Variants in SLIT2 observed in about 807,000 individuals in gnomAD.
SLIT2 encodes the protein slit guidance ligand 2.
SLIT2 carries 41 observed loss-of-function variants against 185.7 expected under a neutral mutation model. The observed-to-expected ratio is 0.22, with a 90% CI of 0.17 to 0.29. The LOEUF is 0.29. Among genes scored for constraint, SLIT2 ranks in the 10% least tolerant of loss-of-function variants. The pLI is 1.00. For synonymous variants in SLIT2, 693 were observed against 680.2 expected (o/e 1.02, Z -0.29); for missense variants, 1,571 against 1,909.0 (o/e 0.82, Z 3.30).
intron 4 of SLIT2, among the ~76,000 whole-genome samples, chr4:20,380,757 G>T (rs985132191): frequency 6.6e-6 from 1 of 151,992 alleles, no homozygotes; most frequent in East Asian, 1.9e-4. Flanking sequence ...AATGAACAAA[G>T]TATCTTCTGT....
At chr4:20,483,299 C>G (rs1577752690) in intron 6 of SLIT2, among the ~76,000 whole-genome samples, 1 of 151,802 alleles carries the variant, frequency 6.6e-6, no homozygotes, top group Non-Finnish European at 1.5e-5. Context: ...GAACAGAGTC[C>G]AAGAAGTCAA....
chr4:20,475,757 A>G (rs1398305250), intron 5 of SLIT2, among the ~76,000 whole-genome samples: 2 of 152,134 alleles, frequency 1.3e-5, no homozygotes, highest in African/African-American at 2.4e-5. Context: ...TAGTTCACTT[A>G]CAATTCCCAG....
Position 20,597,184 on chromosome 4 carries a change from G to A in SLIT2, c.3561+529G>A, listed in dbSNP as rs564646556. 1.3e-4 allele frequency among the ~76,000 whole-genome samples: 20 copies of A among 151,626 alleles called. No individual in the cohort carries two copies. In the South Asian group the frequency reaches 4.2e-3, roughly 32 times the overall value. On this transcript the variant is annotated intron_variant, in intron 32 of 36. Transcript: ENST00000504154. The stretch of plus-strand genomic sequence containing the variant: ...AGGCTCAAGCGATTCTCCTGCCTCA[G>A]CCTCCCGAGTAGCTGGGACGACAAG...
intron 26 of SLIT2, among the ~76,000 whole-genome samples, chr4:20,560,965 C>G (rs997372224): frequency 6.6e-6 from 1 of 151,752 alleles, no homozygotes; most frequent in Non-Finnish European, 1.5e-5. Context: ...ATAGATAATT[C>G]TAAAAAATGG....
intron 5 of SLIT2, among the ~76,000 whole-genome samples, chr4:20,478,893 G>A (rs1716401435): frequency 2.6e-5 from 4 of 152,226 alleles, no homozygotes; most frequent in Admixed American, 2.0e-4. Context: ...AAAATCAAAA[G>A]TGCTCAAGAA....
At position 20,472,582 on chromosome 4, in the gene SLIT2, A is replaced by ATATC. The variant is rs1715596478; in HGVS notation, c.467+4762_467+4763insCTAT. Among the ~76,000 whole-genome samples the ATATC allele has an allele frequency of 1.1e-4, 2 of 18,668 alleles. 1 individual carries two copies. The highest frequency in any genetic ancestry group is 1.6e-4 in the Non-Finnish European group (2 of 12,774). 12.2% of individuals were successfully genotyped at this position (18,668 alleles called of 152,430 possible). ...TATATATCTATATATAGATATATCT[A>ATATC]TATATAGATATATATCTATAGATAT... On this transcript the variant is annotated intron_variant, in intron 5 of 36. Coordinates refer to ENST00000504154, the MANE Select transcript of SLIT2 (RefSeq NM_004787.4).
intron 34 of SLIT2, among the ~76,000 whole-genome samples, chr4:20,612,335 G>C (rs997077077): frequency 7.0e-6 from 1 of 143,574 alleles, no homozygotes; most frequent in Non-Finnish European, 1.5e-5. Context: ...AGGAAAAAAA[G>C]TTTTAAATTT....
chr4:20,419,430 A>G (rs1175835922), intron 4 of SLIT2, among the ~76,000 whole-genome samples: 2 of 152,308 alleles, frequency 1.3e-5, no homozygotes, highest in African/African-American at 2.4e-5. Context: ...TAATGTGACA[A>G]GCCACTCAGA....
Position 20,486,197 on chromosome 4 carries a change from C to T in SLIT2, c.540-3C>T. On this transcript the variant is annotated splice_region_variant and splice_polypyrimidine_tract_variant and intron_variant, in intron 6 of 36. Transcript: ENST00000504154. ...ATTCTAACTTTTCTTTTTAATTCTA[C>T]AGCACTCTCAACAATAACAACATTA... 1 of 1,577,218 alleles carries T rather than the reference C, an allele frequency of 6.3e-7. No individual in the cohort carries two copies. Among genetic ancestry groups the T allele is most frequent in the Non-Finnish European group, 8.7e-7 (1 of 1,147,266 alleles).
chr4:20,347,116 G>A (rs1033430922), intron 4 of SLIT2, among the ~76,000 whole-genome samples: 2 of 152,180 alleles, frequency 1.3e-5, no homozygotes, highest in African/African-American at 4.8e-5. Context: ...CAGAAAATGA[G>A]TCAGATTAGT....
intron 29 of SLIT2, among the ~76,000 whole-genome samples, chr4:20,572,030 A>G (rs903959631): frequency 3.3e-5 from 5 of 152,214 alleles, no homozygotes; most frequent in South Asian, 4.1e-4. Context: ...TGAGCCACCA[A>G]TGGGGAATTT....
At chr4:20,364,283 G>A in intron 4 of SLIT2, 3 of 985,146 alleles carry the variant, frequency 3.0e-6, no homozygotes, top group South Asian at 4.7e-5. Flanking sequence ...ACATATGAAA[G>A]GGTAAGCATT....
At chr4:20,410,220 G>GTTTT (rs1428809557) in intron 4 of SLIT2, among the ~76,000 whole-genome samples, 1 of 128,076 alleles carries the variant, frequency 7.8e-6, no homozygotes, top group Non-Finnish European at 1.7e-5. Context: ...TTAAGTCTTG[G>GTTTT]TTTTTTTTCT....
At position 20,488,958 on chromosome 4, in the gene SLIT2, CA is replaced by C; in HGVS notation, c.756del (p.Lys252AsnfsTer33). 6.2e-7 allele frequency: 1 copy of C among 1,610,632 alleles called. No homozygotes were observed. Among genetic ancestry groups the C allele is most frequent in the Non-Finnish European group, 8.5e-7 (1 of 1,177,440 alleles). ...GAGAGGCCATAATGTAGCCGAGGTTCAAAAACGAGAATTTGTCTGCAGTGGT... is the reference window on the plus strand; with the variant it reads ...GAGAGGCCATAATGTAGCCGAGGTTCAAAACGAGAATTTGTCTGCAGTGGT... ...HLRGHNVAEV[Q>X]KREFVCSGHQ... On this transcript the variant is annotated frameshift_variant, in exon 8 of 37. Transcript: ENST00000504154. LOFTEE classifies it high-confidence loss of function.
intron 25 of SLIT2, chr4:20,552,641 A>G (rs148820984): frequency 2.6e-5 from 4 of 152,298 alleles, no homozygotes; most frequent in Non-Finnish European, 5.9e-5. Flanking sequence ...TATGCAGGTA[A>G]CATTCACTAC....
intron 24 of SLIT2, among the ~76,000 whole-genome samples, chr4:20,549,533 C>T (rs1220742570): frequency 6.6e-6 from 1 of 151,778 alleles, no homozygotes; most frequent in East Asian, 1.9e-4. Flanking sequence ...AAACATGATC[C>T]TTGATCCTAC....
At chr4:20,563,901 C>T (rs1047804955) in intron 26 of SLIT2, among the ~76,000 whole-genome samples, 1 of 151,762 alleles carries the variant, frequency 6.6e-6, no homozygotes, top group African/African-American at 2.4e-5. Flanking sequence ...GGAATGGCTG[C>T]CATTATCCTA....
intron 4 of SLIT2, among the ~76,000 whole-genome samples, chr4:20,462,679 G>T (rs986071070): frequency 2.6e-5 from 4 of 152,084 alleles, no homozygotes; most frequent in African/African-American, 7.2e-5. Context: ...TCAATTTCCA[G>T]ATTAATCTTC....
At chr4:20,471,310 A>T (rs796623278) in intron 5 of SLIT2, among the ~76,000 whole-genome samples, 1 of 152,164 alleles carries the variant, frequency 6.6e-6, no homozygotes, top group Admixed American at 6.6e-5. Context: ...ATCTGGTAAA[A>T]TATATTATAA....
Sources: gnomAD v4.1 joint callset for allele counts (sites outside exome capture counted in the v4.1 genomes callset) on GRCh38, gnomAD v4.1.1 for gene constraint, MANE v1.5 for transcripts, NCBI Gene and HGNC (gene_info 2026-07-23, HGNC 2026-07-21) for gene names.